The following ZRANB3 variants were observed in gnomAD, a reference collection of about 807,000 sequenced individuals.
The protein encoded by ZRANB3 is DNA annealing helicase and endonuclease ZRANB3.
ZRANB3 carries 125 observed loss-of-function variants against 133.8 expected under a neutral mutation model. The observed-to-expected ratio is 0.93, with a 90% CI of 0.81 to 1.08. The LOEUF is 1.08. ZRANB3 is among the 50% of genes least tolerant of loss of function. ZRANB3 has a pLI of 0.00. For synonymous variants in ZRANB3, 387 were observed against 432.7 expected (o/e 0.89, Z 1.31); for missense variants, 1,229 against 1,275.5 (o/e 0.96, Z 0.56).
intron 12 of ZRANB3, among the ~76,000 whole-genome samples, chr2:135,247,875 T>A (rs542516091): frequency 5.9e-5 from 9 of 152,134 alleles, no homozygotes; most frequent in African/African-American, 2.2e-4. Flanking sequence ...GTGGAAGGGA[T>A]CCCCCAGCAC....
chr2:135,391,152 C>T (rs1168636080), intron 2 of ZRANB3, among the ~76,000 whole-genome samples: 1 of 152,182 alleles, frequency 6.6e-6, no homozygotes, highest in Non-Finnish European at 1.5e-5. Flanking sequence ...AGCAACTGTG[C>T]CCGGCCAAAG....
At chr2:135,285,060 G>C (rs1025274902) in intron 8 of ZRANB3, among the ~76,000 whole-genome samples, 2 of 150,524 alleles carry the variant, frequency 1.3e-5, no homozygotes, top group Non-Finnish European at 3.0e-5. Flanking sequence ...GGTCAGGCTG[G>C]TCTCGAACTC....
chr2:135,489,824 G>T (rs1479868799), intron 2 of ZRANB3, among the ~76,000 whole-genome samples: 1 of 151,870 alleles, frequency 6.6e-6, no homozygotes, highest in Admixed American at 6.6e-5. Flanking sequence ...AAAAACAAGT[G>T]ATATAAATAG....
At chr2:135,331,010 T>C (rs140887474) in intron 6 of ZRANB3, among the ~76,000 whole-genome samples, 3 of 152,334 alleles carry the variant, frequency 2.0e-5, no homozygotes, top group East Asian at 1.9e-4. Flanking sequence ...CCTGGATTCA[T>C]TGATTTTTTG....
intron 1 of ZRANB3, among the ~76,000 whole-genome samples, chr2:135,520,413 CT>C (rs75698016): frequency 0.19 from 25,759 of 133,752 alleles, 2,839 homozygotes; most frequent in South Asian, 0.33. Flanking sequence ...AAAAGGATTT[CT>C]TTTTTTTTTT....
At chr2:135,294,206 A>G (rs1192907566) in intron 8 of ZRANB3, among the ~76,000 whole-genome samples, 1 of 152,084 alleles carries the variant, frequency 6.6e-6, no homozygotes, top group Admixed American at 6.6e-5. Flanking sequence ...TAGAATTTGG[A>G]TATGAATCCA....
In ZRANB3 at chr2:135,230,613, T is replaced by C. The variant is rs747387182; in HGVS notation, c.1854A>G (p.Pro618=). ...VQEAKAQLTT[P]AFPVEGWQCS... ...ATTGCCAGCCCTCTACAGGAAAGGCTGGGGTGGTTAACTGGGCCTTGGCCT... is the reference window on the plus strand; with the variant it reads ...ATTGCCAGCCCTCTACAGGAAAGGCCGGGGTGGTTAACTGGGCCTTGGCCT... The change falls in exon 13 of 21, where the codon CCA becomes CCG. Residue 618 remains proline (P), a synonymous_variant. Coordinates refer to ENST00000264159, the MANE Select transcript of ZRANB3 (RefSeq NM_032143.4). The C allele has an allele frequency of 2.5e-6, 4 of 1,612,958 alleles. No individual in the cohort carries two copies. In the East Asian group the frequency reaches 6.7e-5, roughly 27 times the overall value.
chr2:135,404,989 T>C (rs1226176640), intron 2 of ZRANB3, among the ~76,000 whole-genome samples: 3 of 152,150 alleles, frequency 2.0e-5, no homozygotes. Flanking sequence ...TACATGTAAA[T>C]GGACTAAATG....
chr2:135,213,574 T>A (rs534175747), intron 17 of ZRANB3, among the ~76,000 whole-genome samples: 66 of 152,292 alleles, frequency 4.3e-4, no homozygotes, highest in African/African-American at 1.2e-3. Flanking sequence ...TGCCTCTCTA[T>A]AATCAGTCAC....
At chr2:135,341,469 G>GATTGC (rs1684659705) in intron 6 of ZRANB3, among the ~76,000 whole-genome samples, 1 of 149,920 alleles carries the variant, frequency 6.7e-6, no homozygotes, top group African/African-American at 2.5e-5. Context: ...ATCCTGTGAT[G>GATTGC]ATTGCATTAT....
intron 19 of ZRANB3, 131 bp from the exon 20 acceptor site, chr2:135,203,094 T>A: frequency 9.3e-7 from 1 of 1,073,530 alleles, no homozygotes; most frequent in East Asian, 2.9e-5. Context: ...GAGCTTTTTA[T>A]AGCTTTTATT....
At chr2:135,514,459 T>C (rs768500835) in intron 1 of ZRANB3, among the ~76,000 whole-genome samples, 32 of 152,218 alleles carry the variant, frequency 2.1e-4, no homozygotes, top group Non-Finnish European at 4.1e-4. Flanking sequence ...TATTGGTGTA[T>C]AAAAATGCTT....
chr2:135,327,896 T>C (rs1683915816), intron 6 of ZRANB3, among the ~76,000 whole-genome samples: 1 of 152,136 alleles, frequency 6.6e-6, no homozygotes, highest in Admixed American at 6.6e-5. Flanking sequence ...CCTAAGATAG[T>C]ATTGTGATAA....
At chr2:135,317,566 A>G (rs1045202328) in intron 6 of ZRANB3, among the ~76,000 whole-genome samples, 1 of 152,206 alleles carries the variant, frequency 6.6e-6, no homozygotes, top group African/African-American at 2.4e-5. Context: ...TTGTCTTCAA[A>G]CAGGCTAACC....
At chr2:135,343,500 G>C (rs1169434952) in intron 6 of ZRANB3, among the ~76,000 whole-genome samples, 1 of 149,230 alleles carries the variant, frequency 6.7e-6, no homozygotes, top group Non-Finnish European at 1.5e-5. Context: ...TGACTTCATA[G>C]AAACAATTTA....
chr2:135,364,779 G>A (rs1243309367), intron 3 of ZRANB3, among the ~76,000 whole-genome samples: 2 of 151,556 alleles, frequency 1.3e-5, no homozygotes, highest in Non-Finnish European at 2.9e-5. Flanking sequence ...GGCCAGGCAC[G>A]GTGGCTAACG....
chr2:135,433,538 C>G (rs754735964), intron 2 of ZRANB3, among the ~76,000 whole-genome samples: 2 of 152,218 alleles, frequency 1.3e-5, no homozygotes, highest in Admixed American at 6.5e-5. Flanking sequence ...TTCAAAAACA[C>G]TAGATGAATT....
chr2:135,406,070 G>A (rs534775225), intron 2 of ZRANB3, among the ~76,000 whole-genome samples: 12 of 152,006 alleles, frequency 7.9e-5, no homozygotes, highest in South Asian at 4.2e-4. Context: ...TTGATAGACC[G>A]CTAGCAAGAC....
chr2:135,246,119 A>G (rs1375737821), intron 12 of ZRANB3, among the ~76,000 whole-genome samples: 1 of 138,640 alleles, frequency 7.2e-6, no homozygotes, highest in Admixed American at 7.3e-5. Context: ...GCTCACCGCA[A>G]CTTCCGCCTC....
Sources: allele counts gnomAD v4.1 joint callset (sites outside exome capture counted in the v4.1 genomes callset), GRCh38; gene constraint gnomAD v4.1.1; transcripts MANE v1.5; gene names NCBI Gene and HGNC (gene_info 2026-07-23, HGNC 2026-07-21).